Variants in PARD3B observed in about 807,000 individuals in gnomAD.
PARD3B encodes the protein par-3 family cell polarity regulator beta.
Under a neutral mutation model 130.2 loss-of-function variants are expected in PARD3B, and 103 were observed. The ratio of observed to expected loss-of-function variants is 0.79; its 90% CI spans 0.67 to 0.93. The LOEUF (loss-of-function observed/expected upper bound fraction) is 0.93, where lower values mean the gene tolerates loss of function less well. Among genes scored for constraint, PARD3B ranks in the 40% least tolerant of loss-of-function variants. PARD3B has a pLI of 0.00. For missense variants in PARD3B, 1,609 were observed against 1,499.2 expected (o/e 1.07, Z -1.21); for synonymous variants, 583 against 553.2 (o/e 1.05, Z -0.76).
intron 4 of PARD3B, among the ~76,000 whole-genome samples, chr2:205,063,144 G>T (rs2125460332): frequency 6.6e-6 from 1 of 152,064 alleles, no homozygotes; most frequent in East Asian, 1.9e-4. Context: ...ACCGTTTAAA[G>T]CTAAAATTTG....
intron 2 of PARD3B, among the ~76,000 whole-genome samples, chr2:204,700,821 G>A (rs1361486706): frequency 6.6e-6 from 1 of 152,036 alleles, no homozygotes; most frequent in Non-Finnish European, 1.5e-5. Context: ...TTTTGAATAA[G>A]AGGCACTTTT....
rs559977936 is a variant in PARD3B at position 205,185,272 on chromosome 2, G to T, written c.1925-492G>T. On this transcript the variant is annotated intron_variant, in intron 13 of 22. Coordinates refer to ENST00000406610, the MANE Select transcript of PARD3B (RefSeq NM_001302769.2). ...CGCACGTTTGTGTGTTTGTGTGTGTGTGTGTGTGTGTTTATCTCCACTATG... is the reference window on the plus strand; with the variant it reads ...CGCACGTTTGTGTGTTTGTGTGTGTTTGTGTGTGTGTTTATCTCCACTATG... Among the ~76,000 whole-genome samples, 6 of 152,158 alleles carry T rather than the reference G, an allele frequency of 3.9e-5. No homozygotes were observed. In the East Asian group the frequency reaches 7.7e-4, roughly 20 times the overall value.
intron 1 of PARD3B, among the ~76,000 whole-genome samples, chr2:204,602,376 C>T (rs1391706429): frequency 6.6e-6 from 1 of 151,708 alleles, no homozygotes; most frequent in Non-Finnish European, 1.5e-5. Flanking sequence ...TTCTGTTTTC[C>T]CCAACCCTGC....
chr2:204,998,948 G>A (rs570473383), intron 3 of PARD3B, among the ~76,000 whole-genome samples: 5 of 152,106 alleles, frequency 3.3e-5, no homozygotes, highest in Non-Finnish European at 5.9e-5. Flanking sequence ...TCCTGACTTC[G>A]TGATCCAAAG....
At chr2:204,726,971 T>A (rs2125330531) in intron 2 of PARD3B, among the ~76,000 whole-genome samples, 1 of 152,262 alleles carries the variant, frequency 6.6e-6, no homozygotes, top group East Asian at 1.9e-4. Flanking sequence ...CTTAAATGAG[T>A]TGTTTAAAGG....
intron 1 of PARD3B, among the ~76,000 whole-genome samples, chr2:204,611,696 C>G (rs1318315189): frequency 6.6e-6 from 1 of 152,084 alleles, no homozygotes; most frequent in East Asian, 1.9e-4. Flanking sequence ...TCTTAATGTT[C>G]TTACTATATA....
intron 10 of PARD3B, among the ~76,000 whole-genome samples, chr2:205,129,148 C>T (rs1182855269): frequency 6.6e-6 from 1 of 152,194 alleles, no homozygotes; most frequent in Non-Finnish European, 1.5e-5. Flanking sequence ...AGTTGACAGT[C>T]AACCATCCAA....
chr2:205,502,823 G>A (rs1278725951), intron 21 of PARD3B, among the ~76,000 whole-genome samples: 2 of 152,076 alleles, frequency 1.3e-5, no homozygotes, highest in East Asian at 3.9e-4. Context: ...AAATATATAT[G>A]ACTAATACTT....
chr2:204,587,651 T>A (rs1481271855), intron 1 of PARD3B, among the ~76,000 whole-genome samples: 2 of 152,200 alleles, frequency 1.3e-5, no homozygotes, highest in African/African-American at 4.8e-5. Flanking sequence ...TTGTTTTCCC[T>A]TTGCTCCAAG....
intron 3 of PARD3B, among the ~76,000 whole-genome samples, chr2:205,009,596 G>T (rs944856150): frequency 6.6e-6 from 1 of 151,740 alleles, no homozygotes; most frequent in East Asian, 2.0e-4. Flanking sequence ...GCGTGAACCC[G>T]GGAGGCGGAG....
intron 2 of PARD3B, among the ~76,000 whole-genome samples, chr2:204,840,765 A>G (rs2044231300): frequency 6.6e-6 from 1 of 151,354 alleles, no homozygotes; most frequent in Non-Finnish European, 1.5e-5. Flanking sequence ...GGTTGAGATC[A>G]TTACAATGAG....
chr2:204,986,370 C>T (rs969459380), intron 3 of PARD3B, among the ~76,000 whole-genome samples: 12 of 152,122 alleles, frequency 7.9e-5, no homozygotes, highest in Admixed American at 2.0e-4. Flanking sequence ...GAAGTGTTAT[C>T]GACAGAGCAT....
At chr2:205,182,575 A>T (rs911791290) in intron 13 of PARD3B, among the ~76,000 whole-genome samples, 1 of 152,222 alleles carries the variant, frequency 6.6e-6, no homozygotes, top group African/African-American at 2.4e-5. Context: ...AGAAATAGAC[A>T]TAGATAAATA....
At chr2:205,221,401 A>G (rs2038230837) in intron 15 of PARD3B, among the ~76,000 whole-genome samples, 1 of 152,216 alleles carries the variant, frequency 6.6e-6, no homozygotes, top group African/African-American at 2.4e-5. Context: ...AAACGACTTC[A>G]GGATTTTTAG....
Position 204,943,468 on chromosome 2 carries a change from T to C in PARD3B, c.223-21684T>C, listed in dbSNP as rs994727439. On this transcript the variant is annotated intron_variant, in intron 2 of 22. Transcript: ENST00000406610. The surrounding 1 kb of genome is among the most constrained non-coding windows in gnomAD (Gnocchi z 4.2). ...CCTAGGGAGTTGATACAGTGCCCTT[T>C]CCCAAGCAGAACATCTGGTTTACTG... is the stretch of plus-strand genomic sequence containing the variant. 6.6e-6 allele frequency among the ~76,000 whole-genome samples: 1 copy of C among 152,002 alleles called. No homozygotes were observed. The highest frequency in any genetic ancestry group is 1.5e-5 in the Non-Finnish European group (1 of 68,014).
At chr2:205,484,433 C>T (rs2049361091) in intron 20 of PARD3B, among the ~76,000 whole-genome samples, 2 of 152,032 alleles carry the variant, frequency 1.3e-5, no homozygotes, top group African/African-American at 4.8e-5. Flanking sequence ...AGGGGCTGGG[C>T]AAGGAAAAGA....
chr2:205,255,388 A>C (rs2040038393), intron 16 of PARD3B, among the ~76,000 whole-genome samples: 1 of 152,142 alleles, frequency 6.6e-6, no homozygotes, highest in South Asian at 2.1e-4. Context: ...AATTCTGGTC[A>C]CCAAAATGTG....
intron 4 of PARD3B, among the ~76,000 whole-genome samples, chr2:205,051,770 C>T (rs1048053536): frequency 2.0e-5 from 3 of 152,144 alleles, no homozygotes; most frequent in Non-Finnish European, 2.9e-5. Flanking sequence ...AAATCAGATT[C>T]TCTGAAAGCT....
Position 205,500,012 on chromosome 2 carries a change from C to T in PARD3B, c.3161C>T (p.Ser1054Phe). ...GACGACGAAGGAAGAGCAAGGCCAT[C>T]TGAGTATGACCTACTCTGGGTAAGC... ...YEDDEGRARP[S>F]EYDLLWVPGR... Residue 1054 changes from serine to phenylalanine, a missense_variant, in exon 21 of 23, where the codon TCT becomes TTT. Coordinates refer to ENST00000406610, the MANE Select transcript of PARD3B (RefSeq NM_001302769.2). The T allele has an allele frequency of 6.2e-7, 1 of 1,613,768 alleles. No individual in the cohort carries two copies. The highest frequency in any genetic ancestry group is 8.5e-7 in the Non-Finnish European group (1 of 1,179,764).
Sources: gnomAD v4.1 joint callset for allele counts (sites outside exome capture counted in the v4.1 genomes callset) on GRCh38, gnomAD v4.1.1 for gene constraint, Gnocchi (gnomAD v3.1) non-coding constraint, MANE v1.5 for transcripts, NCBI Gene and HGNC (gene_info 2026-07-23, HGNC 2026-07-21) for gene names.